Variants in ASTN2 observed in about 807,000 individuals in gnomAD.
ASTN2 encodes astrotactin-2.
ASTN2 carries 54 observed loss-of-function variants against 139.8 expected under a neutral mutation model. The ratio of observed to expected loss-of-function variants is 0.39; its 90% CI spans 0.31 to 0.48. ASTN2 has a LOEUF of 0.48. Among genes scored for constraint, ASTN2 ranks in the 20% least tolerant of loss-of-function variants. The pLI, the probability that ASTN2 is intolerant of heterozygous loss-of-function variation, is 0.95. For synonymous variants in ASTN2, 756 were observed against 719.5 expected, an observed-to-expected ratio of 1.05 and a Z score of -0.81; for missense variants, 1,565 against 1,725.1, an observed-to-expected ratio of 0.91 and a Z score of 1.64.
At chr9:116,835,577 A>G (rs1030642378) in intron 11 of ASTN2, among the ~76,000 whole-genome samples, 6 of 152,168 alleles carry the variant, frequency 3.9e-5, no homozygotes, top group African/African-American at 1.4e-4. Flanking sequence ...TATCTTAACC[A>G]GAACATCCCT....
chr9:117,139,794 G>A (rs1267070920), intron 4 of ASTN2, among the ~76,000 whole-genome samples: 1 of 152,134 alleles, frequency 6.6e-6, no homozygotes, highest in Non-Finnish European at 1.5e-5. Context: ...AGGAAAGCTG[G>A]GAGGATTCAG....
chr9:116,842,128 T>C (rs1481869294), intron 11 of ASTN2, among the ~76,000 whole-genome samples: 1 of 152,158 alleles, frequency 6.6e-6, no homozygotes, highest in African/African-American at 2.4e-5. Flanking sequence ...GAGAACCTTG[T>C]GGGAAGGGCC....
At chr9:117,241,839 G>A (rs1009085329) in intron 2 of ASTN2, among the ~76,000 whole-genome samples, 3 of 151,776 alleles carry the variant, frequency 2.0e-5, no homozygotes, top group Admixed American at 2.0e-4. Flanking sequence ...TAGAGAACAT[G>A]TGATCCTTCT....
chr9:117,036,121 T>C (rs1367629463), intron 6 of ASTN2, among the ~76,000 whole-genome samples: 1 of 152,126 alleles, frequency 6.6e-6, no homozygotes, highest in Non-Finnish European at 1.5e-5. Context: ...GTGAGAAAAA[T>C]GAGACTCAGA....
chr9:116,980,035 C>T (rs1480459760), intron 7 of ASTN2, among the ~76,000 whole-genome samples: 1 of 152,146 alleles, frequency 6.6e-6, no homozygotes, highest in Admixed American at 6.5e-5. Context: ...AAGAGGCATT[C>T]ACCCTGGAGA....
chr9:116,505,358 C>A (rs1402898169), intron 19 of ASTN2, among the ~76,000 whole-genome samples: 2 of 151,970 alleles, frequency 1.3e-5, no homozygotes, highest in African/African-American at 4.8e-5. Flanking sequence ...CTCCCTGTTT[C>A]CACCTCTCCC....
chr9:116,687,846 G>A (rs928601831), intron 16 of ASTN2, among the ~76,000 whole-genome samples: 2 of 151,992 alleles, frequency 1.3e-5, no homozygotes, highest in African/African-American at 4.8e-5. Context: ...GAGATGATAG[G>A]AGCAAGGTCT....
chr9:116,890,335 C>T (rs1341140168), intron 10 of ASTN2, among the ~76,000 whole-genome samples: 1 of 152,178 alleles, frequency 6.6e-6, no homozygotes, highest in Non-Finnish European at 1.5e-5. Flanking sequence ...ACCTGCCACG[C>T]AGATGATCGG....
At chr9:116,730,089 C>G (rs1828737101) in intron 14 of ASTN2, among the ~76,000 whole-genome samples, 1 of 152,196 alleles carries the variant, frequency 6.6e-6, no homozygotes, top group African/African-American at 2.4e-5. Flanking sequence ...TTTGCAAACT[C>G]TCTTTTTTAT....
At chr9:117,234,426 C>T (rs561176886) in intron 2 of ASTN2, among the ~76,000 whole-genome samples, 1 of 152,198 alleles carries the variant, frequency 6.6e-6, no homozygotes, top group Admixed American at 6.5e-5. Context: ...CCGTGCTGAA[C>T]AGATGCTCAA....
At chr9:117,281,024 CATTT>C (rs1834311829) in intron 2 of ASTN2, among the ~76,000 whole-genome samples, 1 of 152,092 alleles carries the variant, frequency 6.6e-6, no homozygotes, top group African/African-American at 2.4e-5. Context: ...TTTTCTGCCC[CATTT>C]ATTTATTTAG....
chr9:116,764,935 C>T (rs937514454), intron 13 of ASTN2, among the ~76,000 whole-genome samples: 2 of 152,116 alleles, frequency 1.3e-5, no homozygotes, highest in Non-Finnish European at 2.9e-5. Flanking sequence ...CCCACCGTAC[C>T]TTTGTATCTG....
chr9:116,557,112 T>C (rs1175060495), intron 19 of ASTN2, among the ~76,000 whole-genome samples: 1 of 150,014 alleles, frequency 6.7e-6, no homozygotes, highest in Non-Finnish European at 1.5e-5. Flanking sequence ...TAGTCCCAGC[T>C]ACTCGGGAGG....
chr9:117,326,128 G>A (rs1828507595), intron 1 of ASTN2, among the ~76,000 whole-genome samples: 1 of 151,890 alleles, frequency 6.6e-6, no homozygotes, highest in Non-Finnish European at 1.5e-5. Context: ...CAGCTGTTGT[G>A]TGAAAATTCT....
At chr9:116,888,183 G>A (rs1019703233) in intron 10 of ASTN2, among the ~76,000 whole-genome samples, 7 of 151,980 alleles carry the variant, frequency 4.6e-5, no homozygotes, top group African/African-American at 9.7e-5. Flanking sequence ...TGGGAGGATC[G>A]CTTGATCCTG....
intron 10 of ASTN2, among the ~76,000 whole-genome samples, chr9:116,973,430 G>A (rs1388575281): frequency 6.6e-6 from 1 of 152,112 alleles, no homozygotes; most frequent in African/African-American, 2.4e-5. Context: ...GTTCACACTT[G>A]GTAGAGATGG....
chr9:116,696,204 T>C lies in ASTN2; in HGVS notation c.2806+29567A>G, dbSNP rs1476462730. On this transcript the variant is annotated intron_variant, in intron 16 of 22. Transcript: ENST00000313400. ...GGCTCTGAAGACCTTTTATAATTAT[T>C]CCCCCAATTTACCTTTCCAAGTCTG... Among the ~76,000 whole-genome samples the C allele has an allele frequency of 2.0e-5, 3 of 152,054 alleles. No individual in the cohort carries two copies. The East Asian group carries it at 5.8e-4, about 29-fold the overall frequency.
chr9:117,397,125 T>C (rs1830698875), intron 1 of ASTN2, among the ~76,000 whole-genome samples: 2 of 151,802 alleles, frequency 1.3e-5, no homozygotes, highest in South Asian at 4.2e-4. Flanking sequence ...GTATTTTTAA[T>C]AGAGACGGTG....
chr9:116,570,537 C>T (rs908766200), intron 19 of ASTN2, among the ~76,000 whole-genome samples: 3 of 152,038 alleles, frequency 2.0e-5, no homozygotes, highest in South Asian at 2.1e-4. Flanking sequence ...CTGGGACTAC[C>T]GGCGCCCGCC....
Sources: gnomAD v4.1 joint callset for allele counts (sites outside exome capture counted in the v4.1 genomes callset) on GRCh38, gnomAD v4.1.1 for gene constraint, MANE v1.5 for transcripts, NCBI Gene and HGNC (gene_info 2026-07-23, HGNC 2026-07-21) for gene names.